Variants in SYTL2 observed in about 807,000 individuals in gnomAD.
SYTL2 encodes synaptotagmin like 2.
A neutral mutation model predicts 198.7 loss-of-function variants in SYTL2; 165 were observed. The observed-to-expected ratio is 0.83, with a 90% CI of 0.73 to 0.94. The LOEUF (loss-of-function observed/expected upper bound fraction) is 0.94, where lower values mean the gene tolerates loss of function less well. SYTL2 is among the 40% of genes least tolerant of loss of function. SYTL2 has a pLI of 0.00. For synonymous variants in SYTL2, 966 were observed against 917.7 expected (o/e 1.05, Z -0.95); for missense variants, 2,835 against 2,582.8 (o/e 1.10, Z -2.12).
At chr11:85,741,830 C>G (rs750947098) in intron 4 of SYTL2, among the ~76,000 whole-genome samples, 5 of 152,216 alleles carry the variant, frequency 3.3e-5, no homozygotes, top group Non-Finnish European at 7.3e-5. Context: ...TCCTATTCAA[C>G]AGACGGTAAG....
Position 85,725,561 on chromosome 11 carries a change from A to G in SYTL2, c.3797T>C (p.Ile1266Thr). The G allele has an allele frequency of 6.2e-7, 1 of 1,614,044 alleles. No homozygotes were observed. The highest frequency in any genetic ancestry group is 8.5e-7 in the Non-Finnish European group (1 of 1,179,968). ...ATCTCTCACTGGAAAAGGAGCTAGTATTTCTCTCTTATCAGCTGAAGTATT... is the reference window on the plus strand; with the variant it reads ...ATCTCTCACTGGAAAAGGAGCTAGTGTTTCTCTCTTATCAGCTGAAGTATT... ...SHNTSADKREILAPFPVRDET... is the reference protein window; with the variant it reads ...SHNTSADKRETLAPFPVRDET... Residue 1266 changes from isoleucine to threonine, a missense_variant, in exon 8 of 20, where the codon ATA becomes ACA. This residue lies in a region of SYTL2 where 2,645 missense variants were observed against 2,381.7 expected (regional missense o/e 1.11). Transcript: ENST00000359152.
chr11:85,835,983 T>C, the SYTL2 span, among the ~76,000 whole-genome samples: 4 of 152,220 alleles, frequency 2.6e-5, no homozygotes, highest in African/African-American at 4.8e-5. Context: ...CCTACATGTG[T>C]GGCATCCCTG....
chr11:85,720,506 C>A (rs115321812), intron 9 of SYTL2, among the ~76,000 whole-genome samples: 3 of 152,216 alleles, frequency 2.0e-5, no homozygotes, highest in Non-Finnish European at 4.4e-5. Flanking sequence ...TTGTTAGGCA[C>A]GTTTTGGCAA....
intron 1 of SYTL2, among the ~76,000 whole-genome samples, chr11:85,761,098 A>G (rs2092082964): frequency 6.6e-6 from 1 of 152,238 alleles, no homozygotes; most frequent in Non-Finnish European, 1.5e-5. Context: ...GCAAGGGAAC[A>G]AGACAGAAAA....
chr11:85,771,946 A>G (rs992883307), intron 1 of SYTL2, among the ~76,000 whole-genome samples: 1 of 152,158 alleles, frequency 6.6e-6, no homozygotes, highest in African/African-American at 2.4e-5. Context: ...TCTATCACCC[A>G]GGCTAGAGTG....
At chr11:85,849,031 A>T in the SYTL2 span, among the ~76,000 whole-genome samples, 2 of 152,242 alleles carry the variant, frequency 1.3e-5, no homozygotes, top group African/African-American at 4.8e-5. Flanking sequence ...ACCCTTATAA[A>T]CAGTGAGACA....
In SYTL2 at chr11:85,727,621, G is replaced by T; in HGVS notation, c.1737C>A (p.Ser579Arg). The T allele has an allele frequency of 3.9e-6, 6 of 1,536,014 alleles. No homozygotes were observed. Among genetic ancestry groups the T allele is most frequent in the Non-Finnish European group, 5.2e-6 (6 of 1,146,848 alleles). Residue 579 changes from serine (S) to arginine (R), a missense_variant, in exon 8 of 20, where the codon AGC becomes AGA. By Grantham distance (110) the Ser-to-Arg change is moderately radical (BLOSUM62 -1). This residue lies in a region of SYTL2 where 2,645 missense variants were observed against 2,381.7 expected (regional missense o/e 1.11). Coordinates refer to ENST00000359152, the MANE Select transcript of SYTL2 (RefSeq NM_206927.4). ...ATCTCACAGGCTTCAATTCAATTTT[G>T]CTGGGTGATAGGGTCTTTGAGCCAT... The part of the protein sequence containing the change: ...RENGSKTLSP[S>R]KIELKPVRSD...
At chr11:85,801,383 T>G (rs2092884343) in intron 1 of SYTL2, among the ~76,000 whole-genome samples, 1 of 152,220 alleles carries the variant, frequency 6.6e-6, no homozygotes, top group Admixed American at 6.5e-5. Flanking sequence ...AGGTAAGACA[T>G]ATTTATATTT....
intron 1 of SYTL2, among the ~76,000 whole-genome samples, chr11:85,766,496 T>G (rs2092243299): frequency 6.6e-6 from 1 of 152,214 alleles, no homozygotes; most frequent in African/African-American, 2.4e-5. Context: ...GTTCTGATAT[T>G]GCATGAAGCT....
Position 85,734,529 on chromosome 11 carries a change from C to T in SYTL2, c.800G>A (p.Arg267Lys). ...CTTGAGGATCCCTCTCGGAGCCCCT[C>T]TCGCTTTCAGGGAGTCTGTCCTTTG... is the stretch of plus-strand genomic sequence containing the variant. The part of the protein sequence containing the change: ...PRQRTDSLKA[R>K]GAPRGILKRN... Residue 267 changes from arginine (R) to lysine (K), a missense_variant, in exon 7 of 20, where the codon AGA (arginine) becomes AAA (lysine). By Grantham distance (26) the Arg-to-Lys change is conservative (BLOSUM62 2). This residue lies in a region of SYTL2 where 2,645 missense variants were observed against 2,381.7 expected (regional missense o/e 1.11). Transcript: ENST00000359152. The T allele has an allele frequency of 6.2e-7, 1 of 1,614,236 alleles. No homozygotes were observed.
At chr11:85,808,154 C>G (rs967295183) in intron 1 of SYTL2, among the ~76,000 whole-genome samples, 1 of 152,110 alleles carries the variant, frequency 6.6e-6, no homozygotes, top group Non-Finnish European at 1.5e-5. Flanking sequence ...GCAACCTCCG[C>G]CTCCCGGGTT....
rs898542649 is a variant in SYTL2 at position 85,727,188 on chromosome 11, C to A, written c.2170G>T (p.Gly724Cys). The A allele has an allele frequency of 6.5e-7, 1 of 1,536,348 alleles. No homozygotes were observed. The highest frequency in any genetic ancestry group is 1.4e-5 in the African/African-American group (1 of 73,038). ...TCTGCATTCATGTTATCTTTCAAAC[C>A]TGGTTCTTTGACAACTGTTGAAGAG... is the stretch of plus-strand genomic sequence containing the variant. Reference protein sequence around the residue: ...FDSSTVVKEPGLKDNMNAERK... With the variant: ...FDSSTVVKEPCLKDNMNAERK... The change falls in exon 8 of 20, where the codon GGT becomes TGT. Residue 724 changes from glycine (G) to cysteine (C), a missense_variant. By Grantham distance (159) the Gly-to-Cys change is radical (BLOSUM62 -3). This residue lies in a region of SYTL2 where 2,645 missense variants were observed against 2,381.7 expected (regional missense o/e 1.11). Transcript: ENST00000359152.
the SYTL2 span, among the ~76,000 whole-genome samples, chr11:85,823,972 G>C: frequency 3.3e-5 from 5 of 152,150 alleles, no homozygotes; most frequent in African/African-American, 1.2e-4. Flanking sequence ...GACTTGCAAA[G>C]AAACCATGGG....
intron 1 of SYTL2, among the ~76,000 whole-genome samples, chr11:85,758,830 T>C (rs566687620): frequency 1.4e-4 from 21 of 152,136 alleles, no homozygotes; most frequent in Non-Finnish European, 2.8e-4. Context: ...ACATATGTAA[T>C]GGGAAGGAAG....
At chr11:85,831,833 G>A in the SYTL2 span, among the ~76,000 whole-genome samples, 20,814 of 151,994 alleles carry the variant, frequency 0.14, 1,729 homozygotes, top group Middle Eastern at 0.19. Context: ...TAAACATAAG[G>A]AACAAACTTG....
Position 85,726,337 on chromosome 11 carries a change from T to G in SYTL2, c.3021A>C (p.Thr1007=). 1 of 1,614,146 alleles carries G rather than the reference T, an allele frequency of 6.2e-7. No homozygotes were observed. Among genetic ancestry groups the G allele is most frequent in the South Asian group, 1.1e-5 (1 of 91,068 alleles). ...TAAAAGGTGCAGAATTTTTTTGGCTTGTGGTGGTAATATTCTTGTCATTAT... is the reference window on the plus strand; with the variant it reads ...TAAAAGGTGCAGAATTTTTTTGGCTGGTGGTGGTAATATTCTTGTCATTAT... The part of the protein sequence containing the change: ...SKDNDKNITT[T]SQKNSAPFNR... The change falls in exon 8 of 20, where the codon ACA becomes ACC. Residue 1007 remains threonine (T), a synonymous_variant. Coordinates refer to ENST00000359152, the MANE Select transcript of SYTL2 (RefSeq NM_206927.4).
chr11:85,718,408 G>A, intron 10 of SYTL2: 1 of 199,182 alleles, frequency 5.0e-6, no homozygotes, highest in Non-Finnish European at 1.0e-5. Context: ...AGATCTAAAT[G>A]CTGAGACTTG....
At chr11:85,745,078 A>G (rs974998041) in intron 4 of SYTL2, among the ~76,000 whole-genome samples, 9 of 152,242 alleles carry the variant, frequency 5.9e-5, no homozygotes, top group African/African-American at 2.2e-4. Flanking sequence ...TACATACCTT[A>G]TCACTAATTC....
intron 1 of SYTL2, among the ~76,000 whole-genome samples, chr11:85,767,198 G>A (rs1414773408): frequency 6.6e-6 from 1 of 152,190 alleles, no homozygotes; most frequent in Admixed American, 6.5e-5. Context: ...GCGTGGATGA[G>A]GAATCTGTGA....
Sources: allele counts gnomAD v4.1 joint callset (sites outside exome capture counted in the v4.1 genomes callset), GRCh38; gene constraint gnomAD v4.1.1; regional missense constraint gnomAD v4.1.1; transcripts MANE v1.5; gene names NCBI Gene and HGNC (gene_info 2026-07-23, HGNC 2026-07-21).